RSU1: variants seen among roughly 807,000 people sequenced by gnomAD.
The protein encoded by RSU1 is rsu-1.
A neutral mutation model predicts 31.1 loss-of-function variants in RSU1; 26 were observed. That is an observed-to-expected ratio of 0.84 (90% CI 0.61 to 1.16). RSU1 has a LOEUF of 1.16. Ranked by LOEUF, RSU1 falls within the 50% of genes most tolerant of loss-of-function variation. The pLI is 0.00. For missense variants in RSU1, 320 were observed against 339.1 expected, an observed-to-expected ratio of 0.94 and a Z score of 0.44; for synonymous variants, 164 against 136.3, an observed-to-expected ratio of 1.20 and a Z score of -1.41.
intron 7 of RSU1, among the ~76,000 whole-genome samples, chr10:16,747,728 A>T (rs1836884183): frequency 6.6e-6 from 1 of 152,226 alleles, no homozygotes; most frequent in Non-Finnish European, 1.5e-5. Flanking sequence ...GCAGCCAAAG[A>T]ACTCCTCTGA....
At chr10:16,611,100 G>C (rs1833884664) in intron 8 of RSU1, among the ~76,000 whole-genome samples, 1 of 152,200 alleles carries the variant, frequency 6.6e-6, no homozygotes, top group South Asian at 2.1e-4. Flanking sequence ...GCTGGCTAGA[G>C]TGCATTATCC....
At chr10:16,776,731 A>G (rs1340612893) in intron 3 of RSU1, among the ~76,000 whole-genome samples, 1 of 151,864 alleles carries the variant, frequency 6.6e-6, no homozygotes, top group Non-Finnish European at 1.5e-5. Context: ...GTTTGCACAG[A>G]GCAAAAAGAT....
chr10:16,594,301 G>A (rs909648354), intron 8 of RSU1, among the ~76,000 whole-genome samples: 3 of 152,188 alleles, frequency 2.0e-5, no homozygotes, highest in African/African-American at 4.8e-5. Context: ...GGTTGGCACA[G>A]AGCCTGACGT....
intron 3 of RSU1, among the ~76,000 whole-genome samples, chr10:16,781,637 C>T (rs1393558054): frequency 6.6e-6 from 1 of 152,138 alleles, no homozygotes; most frequent in East Asian, 1.9e-4. Flanking sequence ...CTGAATGGAA[C>T]CACTTCCAGA....
At chr10:16,665,437 A>C (rs1234280427) in intron 8 of RSU1, among the ~76,000 whole-genome samples, 1 of 152,198 alleles carries the variant, frequency 6.6e-6, no homozygotes, top group African/African-American at 2.4e-5. Context: ...ACCCAAATAC[A>C]CTGTTAAATT....
intron 4 of RSU1, among the ~76,000 whole-genome samples, chr10:16,762,543 C>T (rs1341595385): frequency 2.0e-5 from 3 of 151,134 alleles, no homozygotes; most frequent in African/African-American, 7.3e-5. Context: ...TCATCTCAAG[C>T]GATGTTCCTC....
At chr10:16,795,507 C>T (rs1403427271) in intron 2 of RSU1, among the ~76,000 whole-genome samples, 2 of 152,134 alleles carry the variant, frequency 1.3e-5, no homozygotes, top group African/African-American at 2.4e-5. Context: ...CAATAGTAGT[C>T]TCTTCTTCCC....
intron 8 of RSU1, among the ~76,000 whole-genome samples, chr10:16,619,504 G>A (rs1316328476): frequency 6.6e-6 from 1 of 152,192 alleles, no homozygotes. Context: ...CATTAAAACA[G>A]AAACAGAGGG....
At chr10:16,617,196 T>C (rs1417318892) in intron 8 of RSU1, among the ~76,000 whole-genome samples, 2 of 152,120 alleles carry the variant, frequency 1.3e-5, no homozygotes, top group Non-Finnish European at 2.9e-5. Flanking sequence ...TAATAATAGA[T>C]AAGCAGAGAG....
Position 16,645,050 on chromosome 10 carries a change from G to A in RSU1, c.731+49973C>T, listed in dbSNP as rs1198242577. On this transcript the variant is annotated intron_variant, in intron 8 of 8. Transcript: ENST00000345264. The stretch of plus-strand genomic sequence containing the variant: ...CTTAAAGGGGGGAAAAAGCAGTCTT[G>A]TTGGAATGGGTCCAGAAGTTTCAAG... Among the ~76,000 whole-genome samples the A allele has an allele frequency of 2.0e-5, 3 of 152,186 alleles. No homozygotes were observed. The South Asian group carries it at 6.2e-4, about 32-fold the overall frequency.
intron 8 of RSU1, among the ~76,000 whole-genome samples, chr10:16,614,891 AAT>A (rs1833950187): frequency 6.6e-6 from 1 of 152,222 alleles, no homozygotes; most frequent in Non-Finnish European, 1.5e-5. Flanking sequence ...GGAAGCACTA[AAT>A]ATGGAAAGGA....
intron 8 of RSU1, among the ~76,000 whole-genome samples, chr10:16,617,880 C>G (rs1386455477): frequency 1.3e-5 from 2 of 152,182 alleles, no homozygotes; most frequent in Admixed American, 6.5e-5. Context: ...CATAAAATCC[C>G]TAGAAGAAAA....
chr10:16,635,971 G>C (rs1490112630), intron 8 of RSU1, among the ~76,000 whole-genome samples: 1 of 152,140 alleles, frequency 6.6e-6, no homozygotes, highest in East Asian at 1.9e-4. Flanking sequence ...TTGGTTTCCA[G>C]GACACTGCGC....
chr10:16,636,654 C>T (rs1168737256), intron 8 of RSU1, among the ~76,000 whole-genome samples: 2 of 152,190 alleles, frequency 1.3e-5, no homozygotes, highest in African/African-American at 4.8e-5. Context: ...GGCCAAACTC[C>T]TTCAAATGGT....
intron 7 of RSU1, among the ~76,000 whole-genome samples, chr10:16,724,662 G>C (rs1836347819): frequency 6.6e-6 from 1 of 152,156 alleles, no homozygotes; most frequent in African/African-American, 2.4e-5. Flanking sequence ...CCGAGAAGGA[G>C]GTGACAGGAA....
At chr10:16,791,918 G>A (rs182425885) in intron 2 of RSU1, among the ~76,000 whole-genome samples, 13 of 152,318 alleles carry the variant, frequency 8.5e-5, no homozygotes, top group African/African-American at 2.9e-4. Flanking sequence ...AAATTAGGAA[G>A]CAAATGATTC....
At chr10:16,813,062 C>G (rs905775856) in intron 2 of RSU1, among the ~76,000 whole-genome samples, 1 of 151,552 alleles carries the variant, frequency 6.6e-6, no homozygotes, top group African/African-American at 2.4e-5. Flanking sequence ...AACTCAAACT[C>G]CTGGGTTCCA....
intron 3 of RSU1, among the ~76,000 whole-genome samples, chr10:16,766,221 T>G (rs1288210712): frequency 6.6e-6 from 1 of 152,206 alleles, no homozygotes; most frequent in Non-Finnish European, 1.5e-5. Flanking sequence ...GAAGTGGCCG[T>G]TGATAAAAGA....
At chr10:16,763,148 G>GTTTC (rs1483328879) in intron 4 of RSU1, among the ~76,000 whole-genome samples, 1 of 152,208 alleles carries the variant, frequency 6.6e-6, no homozygotes, top group African/African-American at 2.4e-5. Context: ...TGAGTGGGCA[G>GTTTC]TTTCATCTGA....
Sources: allele counts gnomAD v4.1 joint callset (sites outside exome capture counted in the v4.1 genomes callset), GRCh38; gene constraint gnomAD v4.1.1; transcripts MANE v1.5; gene names NCBI Gene and HGNC (gene_info 2026-07-23, HGNC 2026-07-21).